ITPR2: variants seen among roughly 807,000 people sequenced by gnomAD.
The protein encoded by ITPR2 is inositol 1,4,5-trisphosphate-gated calcium channel ITPR2.
Under a neutral mutation model 317.1 loss-of-function variants are expected in ITPR2, and 207 were observed. The ratio of observed to expected loss-of-function variants is 0.65; its 90% CI spans 0.58 to 0.73. ITPR2 has a LOEUF of 0.73. Among genes scored for constraint, ITPR2 ranks in the 30% least tolerant of loss-of-function variants. ITPR2 has a pLI of 0.00. For missense variants in ITPR2, 2,613 were observed against 3,284.0 expected (o/e 0.80, Z 4.99); for synonymous variants, 1,156 against 1,149.1 (o/e 1.01, Z -0.12).
chr12:26,688,952 CTG>C (rs1194047163), intron 10 of ITPR2, among the ~76,000 whole-genome samples: 1 of 152,116 alleles, frequency 6.6e-6, no homozygotes, highest in Non-Finnish European at 1.5e-5. Context: ...ACATGAATAA[CTG>C]TATACTGGAA....
At chr12:26,579,452 C>T (rs1945345181) in intron 33 of ITPR2, among the ~76,000 whole-genome samples, 1 of 152,028 alleles carries the variant, frequency 6.6e-6, no homozygotes, top group Non-Finnish European at 1.5e-5. Flanking sequence ...ATATTCTGTA[C>T]ACAAACAAAT....
At chr12:26,385,125 C>G (rs1024977828) in intron 55 of ITPR2, among the ~76,000 whole-genome samples, 1 of 152,106 alleles carries the variant, frequency 6.6e-6, no homozygotes, top group African/African-American at 2.4e-5. Context: ...GAAGCTCAGG[C>G]AGGTTTCAAG....
At position 26,432,886 on chromosome 12, in the gene ITPR2, T is replaced by C. The variant is rs116683071; in HGVS notation, c.6769+3335A>G. Reference sequence around the variant, plus strand: ...CACTTCTTGAAGGAATTTTCATCCATCTTTAATCTCACCCACCTCTAAATC... The same window carrying C: ...CACTTCTTGAAGGAATTTTCATCCACCTTTAATCTCACCCACCTCTAAATC... On this transcript the variant is annotated intron_variant, in intron 48 of 56. Coordinates refer to ENST00000381340, the MANE Select transcript of ITPR2 (RefSeq NM_002223.4). Among the ~76,000 whole-genome samples, 852 of 152,302 alleles carry C rather than the reference T, an allele frequency of 5.6e-3. 6 individuals carry two copies. Among genetic ancestry groups the C allele is most frequent in the African/African-American group, 0.017 (712 of 41,558 alleles).
chr12:26,663,678 C>T lies in ITPR2; in HGVS notation c.1713+7G>A, dbSNP rs575524990. On this transcript the variant is annotated splice_region_variant and intron_variant, in intron 15 of 56. Coordinates refer to ENST00000381340, the MANE Select transcript of ITPR2 (RefSeq NM_002223.4). ...GAAACAGTTTAAAATGGGGGCTACC[C>T]TCTGACCTGATTTTTCCGGTAATCC... is the stretch of plus-strand genomic sequence containing the variant. 6.8e-6 allele frequency: 11 copies of T among 1,607,874 alleles called. No individual in the cohort carries two copies. The South Asian group carries it at 1.1e-4, about 16-fold the overall frequency.
At chr12:26,689,861 G>A (rs1565694923) in intron 10 of ITPR2, among the ~76,000 whole-genome samples, 1 of 152,214 alleles carries the variant, frequency 6.6e-6, no homozygotes. Context: ...AGAAGAGGAT[G>A]TGATAATTCT....
intron 47 of ITPR2, among the ~76,000 whole-genome samples, chr12:26,437,949 C>G (rs187284899): frequency 0.21 from 32,113 of 151,702 alleles, 3,853 homozygotes; most frequent in East Asian, 0.41. Context: ...CTACAGGTGC[C>G]TGCCACCACG....
At chr12:26,767,810 T>C (rs1949750081) in intron 2 of ITPR2, among the ~76,000 whole-genome samples, 1 of 152,242 alleles carries the variant, frequency 6.6e-6, no homozygotes. Flanking sequence ...TCTTCCATTA[T>C]AAATAATCCT....
intron 39 of ITPR2, among the ~76,000 whole-genome samples, chr12:26,492,979 G>A (rs910856536): frequency 6.6e-6 from 1 of 151,232 alleles, no homozygotes; most frequent in African/African-American, 2.4e-5. Flanking sequence ...TATACACAAT[G>A]ATTATTTGTC....
At chr12:26,381,455 A>T (rs1194928776) in intron 55 of ITPR2, among the ~76,000 whole-genome samples, 1 of 152,212 alleles carries the variant, frequency 6.6e-6, no homozygotes, top group African/African-American at 2.4e-5. Context: ...AATCTTTAGC[A>T]CAGGTGCCAG....
intron 55 of ITPR2, 55 bp downstream of exon 55, chr12:26,387,379 A>G (rs1939697104): frequency 6.5e-7 from 1 of 1,529,170 alleles, no homozygotes; most frequent in African/African-American, 1.4e-5. Context: ...GGTAGAGAAG[A>G]TGAAAGCCTA....
intron 48 of ITPR2, among the ~76,000 whole-genome samples, chr12:26,431,687 T>A (rs1252655354): frequency 1.3e-5 from 2 of 152,190 alleles, no homozygotes; most frequent in Non-Finnish European, 2.9e-5. Flanking sequence ...ATGTCTCCAT[T>A]TAGTCATTGT....
At chr12:26,576,812 T>C (rs563799870) in intron 34 of ITPR2, among the ~76,000 whole-genome samples, 4 of 152,290 alleles carry the variant, frequency 2.6e-5, no homozygotes, top group South Asian at 2.1e-4. Flanking sequence ...TATGGCTTTA[T>C]TGTGTCCCTC....
intron 46 of ITPR2, among the ~76,000 whole-genome samples, chr12:26,442,098 C>T (rs976045536): frequency 4.6e-5 from 7 of 152,036 alleles, no homozygotes; most frequent in East Asian, 1.9e-4. Context: ...TGTCTCCAAA[C>T]GGCAACCAGA....
At chr12:26,600,824 T>C (rs1241387032) in intron 28 of ITPR2, among the ~76,000 whole-genome samples, 1 of 152,090 alleles carries the variant, frequency 6.6e-6, no homozygotes, top group Non-Finnish European at 1.5e-5. Flanking sequence ...CTTCTCTGTA[T>C]ATATATTTAT....
chr12:26,513,779 T>C lies in ITPR2; in HGVS notation c.5074-18519A>G, dbSNP rs1199323746. On this transcript the variant is annotated intron_variant, in intron 37 of 56. Coordinates refer to ENST00000381340, the MANE Select transcript of ITPR2 (RefSeq NM_002223.4). The stretch of plus-strand genomic sequence containing the variant: ...ACACACACACACACACACACACACA[T>C]GCAACCCTACATTTTTCCCCCGCCG... 1.0e-4 allele frequency among the ~76,000 whole-genome samples: 14 copies of C among 139,592 alleles called. No homozygotes were observed. The East Asian group carries it at 1.0e-3, about 10-fold the overall frequency. 91.6% of individuals were successfully genotyped at this position (139,592 alleles called of 152,430 possible).
chr12:26,813,625 A>T (rs1226752807), intron 1 of ITPR2, among the ~76,000 whole-genome samples: 1 of 152,002 alleles, frequency 6.6e-6, no homozygotes, highest in African/African-American at 2.4e-5. Context: ...CATTACCCCC[A>T]TCCTTGATTT....
intron 2 of ITPR2, among the ~76,000 whole-genome samples, chr12:26,784,368 C>T (rs1189229148): frequency 8.3e-6 from 1 of 120,774 alleles, no homozygotes; most frequent in African/African-American, 3.0e-5. Flanking sequence ...TCTCCCTCCA[C>T]GGTCTCCTTC....
rs145398004 is a variant in ITPR2 at position 26,347,143 on chromosome 12, G to C, written c.7858-6815C>G. On this transcript the variant is annotated intron_variant, in intron 55 of 56. Transcript: ENST00000381340. ...TGGGCAAGTTCTTCCATATTACATAGTGGAATAGCTCTTATATAATCTATC... is the reference window on the plus strand; with the variant it reads ...TGGGCAAGTTCTTCCATATTACATACTGGAATAGCTCTTATATAATCTATC... 5.4e-4 allele frequency among the ~76,000 whole-genome samples: 82 copies of C among 152,280 alleles called. 1 individual carries two copies. The highest frequency in any genetic ancestry group is 1.6e-3 in the African/African-American group (67 of 41,548).
chr12:26,622,445 T>TG, intron 24 of ITPR2, 40 bp from the exon 25 acceptor site: 1 of 1,464,622 alleles, frequency 6.8e-7, no homozygotes. Context: ...CTCCTATTTA[T>TG]ATAACATCTA....
Sources: allele counts gnomAD v4.1 joint callset (sites outside exome capture counted in the v4.1 genomes callset), GRCh38; gene constraint gnomAD v4.1.1; transcripts MANE v1.5; gene names NCBI Gene and HGNC (gene_info 2026-07-23, HGNC 2026-07-21).